The following ANKH variants were observed in gnomAD, a reference collection of about 807,000 sequenced individuals.
ANKH encodes ANKH inorganic pyrophosphate transport regulator.
ANKH carries 15 observed loss-of-function variants against 49.0 expected under a neutral mutation model. That is an observed-to-expected ratio of 0.31 (90% confidence interval 0.20 to 0.47). ANKH has a LOEUF of 0.47. ANKH is among the 20% of genes least tolerant of loss of function. ANKH has a pLI of 1.00. For missense variants in ANKH, 429 were observed against 652.0 expected, an observed-to-expected ratio of 0.66 and a Z score of 3.72; for synonymous variants, 273 against 260.0, an observed-to-expected ratio of 1.05 and a Z score of -0.48.
intron 11 of ANKH, among the ~76,000 whole-genome samples, 154 bp from the exon 12 acceptor site, chr5:14,711,464 T>C (rs1454740630): frequency 1.3e-5 from 2 of 152,202 alleles, no homozygotes; most frequent in African/African-American, 4.8e-5. Flanking sequence ...TTTTGCATCT[T>C]AGCTCAGTGT....
In ANKH at chr5:14,711,719, C is replaced by T. The variant is rs74612563; in HGVS notation, c.1366-409G>A. ...AAAATATTCCACCTTGTACAGCATCCGTCAGTCACCTCTGGGACAGCTCCA... is the reference window on the plus strand; with the variant it reads ...AAAATATTCCACCTTGTACAGCATCTGTCAGTCACCTCTGGGACAGCTCCA... On this transcript the variant is annotated intron_variant, in intron 11 of 11. Coordinates refer to ENST00000284268, the MANE Select transcript of ANKH (RefSeq NM_054027.6). 5.2e-3 allele frequency among the ~76,000 whole-genome samples: 789 copies of T among 152,316 alleles called. 2 individuals carry two copies. Among genetic ancestry groups the T allele is most frequent in the African/African-American group, 0.018 (735 of 41,560 alleles).
chr5:14,851,989 A>G (rs1288028231), intron 1 of ANKH, among the ~76,000 whole-genome samples: 1 of 152,248 alleles, frequency 6.6e-6, no homozygotes, highest in Non-Finnish European at 1.5e-5. Context: ...ACACTTAAAA[A>G]TAGAATTTGG....
intron 1 of ANKH, chr5:14,870,792 A>G (rs1350385996): frequency 1.9e-5 from 3 of 156,540 alleles, no homozygotes; most frequent in African/African-American, 7.2e-5. Context: ...AGAAAGAAAA[A>G]AAAAGAAAAG....
chr5:14,813,067 C>G (rs950027419), intron 1 of ANKH, among the ~76,000 whole-genome samples: 1 of 151,896 alleles, frequency 6.6e-6, no homozygotes, highest in African/African-American at 2.4e-5. Flanking sequence ...ATAGTGAAAC[C>G]CTATCTCTAC....
At chr5:14,787,271 G>A (rs778783623) in intron 1 of ANKH, among the ~76,000 whole-genome samples, 20 of 151,312 alleles carry the variant, frequency 1.3e-4, no homozygotes, top group African/African-American at 2.9e-4. Flanking sequence ...CCAAGATAGC[G>A]CCATTGCACT....
intron 1 of ANKH, among the ~76,000 whole-genome samples, chr5:14,789,773 C>G (rs1420277132): frequency 6.6e-6 from 1 of 152,096 alleles, no homozygotes; most frequent in Admixed American, 6.6e-5. Flanking sequence ...TGCAGTGGTG[C>G]GATCTCAGCT....
chr5:14,837,532 A>G (rs564335464), intron 1 of ANKH, among the ~76,000 whole-genome samples: 12 of 152,376 alleles, frequency 7.9e-5, no homozygotes, highest in African/African-American at 2.9e-4. Flanking sequence ...AATGCTCATC[A>G]TCACTGGCCA....
intron 1 of ANKH, among the ~76,000 whole-genome samples, chr5:14,838,253 A>C (rs1399582665): frequency 6.6e-6 from 1 of 152,072 alleles, no homozygotes; most frequent in Non-Finnish European, 1.5e-5. Flanking sequence ...CCTAGAACTT[A>C]AAGTATAATA....
intron 1 of ANKH, among the ~76,000 whole-genome samples, chr5:14,839,870 A>C (rs1580108950): frequency 6.6e-6 from 1 of 152,250 alleles, no homozygotes; most frequent in African/African-American, 2.4e-5. Flanking sequence ...ACCCCATCAG[A>C]GGTAGAAACA....
Position 14,716,743 on chromosome 5 carries a change from AAC to A in ANKH, c.1102_1103del (p.Val368CysfsTer94). ...GVDFAFAELC[V>X]VPLRIFSFFP... ...AGAAGGAGAAGATCCGCAAAGGAAC[AAC>A]ACAGAGTTCTGCAAAGGCAAAGTCC... is the stretch of plus-strand genomic sequence containing the variant. On this transcript the variant is annotated frameshift_variant, in exon 9 of 12. Transcript: ENST00000284268. LOFTEE classifies it high-confidence loss of function. 1 of 1,614,182 alleles carries A rather than the reference AAC, an allele frequency of 6.2e-7. No individual in the cohort carries two copies. The highest frequency in any genetic ancestry group is 8.5e-7 in the Non-Finnish European group (1 of 1,179,978).
intron 8 of ANKH, among the ~76,000 whole-genome samples, chr5:14,723,142 TTGGATGAG>T (rs1737721216): frequency 9.9e-5 from 15 of 152,040 alleles, no homozygotes; most frequent in Non-Finnish European, 4.4e-5. Flanking sequence ...ATGTGGTGTC[TTGGATGAG>T]ATCCTGGAAC....
chr5:14,812,375 C>T (rs1020324957), intron 1 of ANKH, among the ~76,000 whole-genome samples: 3 of 152,142 alleles, frequency 2.0e-5, no homozygotes, highest in Admixed American at 6.5e-5. Flanking sequence ...CTTCACTGAG[C>T]GTTCCCCCTG....
At chr5:14,828,849 G>A (rs1407547481) in intron 1 of ANKH, among the ~76,000 whole-genome samples, 6 of 152,124 alleles carry the variant, frequency 3.9e-5, no homozygotes, top group Admixed American at 3.9e-4. Context: ...TATCTTTAAG[G>A]TCTGAATTAC....
chr5:14,744,768 G>A (rs1738476771), intron 7 of ANKH, among the ~76,000 whole-genome samples: 1 of 152,200 alleles, frequency 6.6e-6, no homozygotes, highest in African/African-American at 2.4e-5. Flanking sequence ...TCCCTGCTCC[G>A]CAGGCCTCGC....
chr5:14,819,517 G>A (rs1741137084), intron 1 of ANKH, among the ~76,000 whole-genome samples: 2 of 152,166 alleles, frequency 1.3e-5, no homozygotes, highest in Non-Finnish European at 2.9e-5. Context: ...GTCTGCCACA[G>A]AGAGAGCTAC....
chr5:14,766,461 G>A (rs1360701956), intron 2 of ANKH, among the ~76,000 whole-genome samples: 1 of 152,088 alleles, frequency 6.6e-6, no homozygotes, highest in Non-Finnish European at 1.5e-5. Flanking sequence ...CTTCAGAGAC[G>A]GTTAAGAAAT....
chr5:14,800,131 C>T (rs1250207498), intron 1 of ANKH, among the ~76,000 whole-genome samples: 1 of 152,140 alleles, frequency 6.6e-6, no homozygotes, highest in Non-Finnish European at 1.5e-5. Context: ...GTAGAAATAG[C>T]AAGAGAACTA....
chr5:14,864,796 CATACTTAA>C (rs1014313896), intron 1 of ANKH, among the ~76,000 whole-genome samples: 12 of 152,156 alleles, frequency 7.9e-5, no homozygotes. Context: ...AATTTAAAAT[CATACTTAA>C]ATACTTTTAA....
chr5:14,788,401 T>C (rs990052365), intron 1 of ANKH, among the ~76,000 whole-genome samples: 16 of 152,230 alleles, frequency 1.1e-4, no homozygotes, highest in African/African-American at 3.1e-4. Flanking sequence ...TGTATCTGCC[T>C]GGCACCATCT....
Sources: gnomAD v4.1 joint callset for allele counts (sites outside exome capture counted in the v4.1 genomes callset) on GRCh38, gnomAD v4.1.1 for gene constraint, MANE v1.5 for transcripts, NCBI Gene and HGNC (gene_info 2026-07-23, HGNC 2026-07-21) for gene names.